POU2F1: variants seen among roughly 807,000 people sequenced by gnomAD.
POU2F1 encodes the protein POU domain, class 2, transcription factor 1.
POU2F1 carries 16 observed loss-of-function variants against 84.9 expected under a neutral mutation model. The ratio of observed to expected loss-of-function variants is 0.19; its 90% CI spans 0.13 to 0.29. The LOEUF is 0.29. Among genes scored for constraint, POU2F1 ranks in the 10% least tolerant of loss-of-function variants. POU2F1 has a pLI of 1.00. For synonymous variants in POU2F1, 368 were observed against 368.3 expected, an observed-to-expected ratio of 1.00 and a Z score of 0.01; for missense variants, 738 against 942.6, an observed-to-expected ratio of 0.78 and a Z score of 2.84.
chr1:167,349,046 C>T (rs1008752971), intron 2 of POU2F1, among the ~76,000 whole-genome samples: 3 of 152,108 alleles, frequency 2.0e-5, no homozygotes, highest in Non-Finnish European at 4.4e-5. Flanking sequence ...GGGAATATGA[C>T]TTTGTAACCC....
chr1:167,226,800 T>G (rs979656989), intron 1 of POU2F1, among the ~76,000 whole-genome samples: 2 of 152,208 alleles, frequency 1.3e-5, no homozygotes, highest in East Asian at 1.9e-4. Flanking sequence ...CTTTTGTTTT[T>G]GGGTTTTATT....
In POU2F1 at chr1:167,250,127, C is replaced by T. The variant is rs556710465; in HGVS notation, c.61+29169C>T. Among the ~76,000 whole-genome samples the T allele has an allele frequency of 4.6e-5, 7 of 151,552 alleles. No homozygotes were observed. In the East Asian group the frequency reaches 1.4e-3, roughly 29 times the overall value. On this transcript the variant is annotated intron_variant, in intron 1 of 15. Coordinates refer to ENST00000367866, the MANE Select transcript of POU2F1 (RefSeq NM_002697.4). ...TTTCTAACATAACACTTAACATTAG[C>T]AGTATTTTGACCTTTTCTGTCATTC...
Position 167,323,485 on chromosome 1 carries a change from C to T in POU2F1, c.62-8985C>T, listed in dbSNP as rs539218070. On this transcript the variant is annotated intron_variant, in intron 1 of 15. Transcript: ENST00000367866. ...TTCAAACCGCTTTCTGGTGGAGTAG[C>T]TTTCTCAGTGAGCCACCACTTAAAT... Among the ~76,000 whole-genome samples, 35 of 152,250 alleles carry T rather than the reference C, an allele frequency of 2.3e-4. 1 individual carries two copies. In the South Asian group the frequency reaches 7.3e-3, roughly 32 times the overall value.
rs922014633 is a variant in POU2F1, at chr1:167,389,835, G to C, written c.987+74G>C. On this transcript the variant is annotated intron_variant, in intron 9 of 15. Coordinates refer to ENST00000367866, the MANE Select transcript of POU2F1 (RefSeq NM_002697.4). Reference sequence around the variant, plus strand: ...ATACAGTTGGCTCTCTGTATTCATGGATTCCACATCTGTGGATTCAACTAG... The same window carrying C: ...ATACAGTTGGCTCTCTGTATTCATGCATTCCACATCTGTGGATTCAACTAG... The C allele has an allele frequency of 8.7e-6, 13 of 1,502,710 alleles. No individual in the cohort carries two copies. The East Asian group carries it at 2.9e-4, about 33-fold the overall frequency. The allele number at this position is 1,502,710 out of a possible 1,614,324, so 93.1% of individuals were successfully genotyped here.
At chr1:167,375,614 T>A (rs1660274802) in intron 6 of POU2F1, among the ~76,000 whole-genome samples, 1 of 152,252 alleles carries the variant, frequency 6.6e-6, no homozygotes, top group African/African-American at 2.4e-5. Context: ...TAAGTCATTA[T>A]AGGCCCTTTA....
intron 1 of POU2F1, chr1:167,329,218 C>A: frequency 6.5e-7 from 1 of 1,540,064 alleles, no homozygotes; most frequent in South Asian, 1.2e-5. Context: ...TTCCCCACCC[C>A]AAACTGCTAC....
intron 1 of POU2F1, among the ~76,000 whole-genome samples, chr1:167,238,211 G>T (rs529309922): frequency 1.3e-5 from 2 of 151,792 alleles, no homozygotes; most frequent in African/African-American, 4.8e-5. Flanking sequence ...GTTTCATTTT[G>T]TCTCTCAAGT....
intron 2 of POU2F1, among the ~76,000 whole-genome samples, chr1:167,336,447 C>T (rs1014029254): frequency 1.3e-5 from 2 of 152,118 alleles, no homozygotes; most frequent in African/African-American, 4.8e-5. Flanking sequence ...AGTGCAATAA[C>T]CTAAACCTTA....
intron 3 of POU2F1, among the ~76,000 whole-genome samples, chr1:167,366,315 A>G (rs370645818): frequency 1.3e-5 from 2 of 152,204 alleles, no homozygotes; most frequent in East Asian, 1.9e-4. Flanking sequence ...TTGGTGGTCT[A>G]TATGTGTTGA....
rs890684715 is a variant in POU2F1 at position 167,361,073 on chromosome 1, A to T, written c.128-4394A>T. Among the ~76,000 whole-genome samples, 32 of 152,122 alleles carry T rather than the reference A, an allele frequency of 2.1e-4. 1 individual carries two copies. Among genetic ancestry groups the T allele is most frequent in the African/African-American group, 7.5e-4 (31 of 41,416 alleles). On this transcript the variant is annotated intron_variant, in intron 2 of 15. Transcript: ENST00000367866. ...ACTGATTTTTGTACATTGATTTCGTATCCTGAGTCTGCTGAAGTGGTTTAT... is the reference window on the plus strand; with the variant it reads ...ACTGATTTTTGTACATTGATTTCGTTTCCTGAGTCTGCTGAAGTGGTTTAT...
chr1:167,361,075 C>T lies in POU2F1; in HGVS notation c.128-4392C>T, dbSNP rs374632599. On this transcript the variant is annotated intron_variant, in intron 2 of 15. Coordinates refer to ENST00000367866, the MANE Select transcript of POU2F1 (RefSeq NM_002697.4). ...TGATTTTTGTACATTGATTTCGTATCCTGAGTCTGCTGAAGTGGTTTATCA... is the reference window on the plus strand; with the variant it reads ...TGATTTTTGTACATTGATTTCGTATTCTGAGTCTGCTGAAGTGGTTTATCA... Among the ~76,000 whole-genome samples, 70 of 152,018 alleles carry T rather than the reference C, an allele frequency of 4.6e-4. No individual in the cohort carries two copies. In the South Asian group the frequency reaches 0.014, roughly 31 times the overall value.
At chr1:167,253,414 G>A (rs1399861986) in intron 1 of POU2F1, among the ~76,000 whole-genome samples, 2 of 144,256 alleles carry the variant, frequency 1.4e-5, no homozygotes, top group Non-Finnish European at 3.0e-5. Flanking sequence ...GTGGAACTTG[G>A]GATTATAATT....
intron 1 of POU2F1, among the ~76,000 whole-genome samples, chr1:167,229,630 A>G (rs1024585956): frequency 3.3e-5 from 5 of 152,172 alleles, no homozygotes; most frequent in Admixed American, 6.5e-5. Context: ...GGGAGTATCA[A>G]ATTGATAGCA....
At chr1:167,373,861 C>T (rs1439424832) in intron 5 of POU2F1, among the ~76,000 whole-genome samples, 1 of 150,956 alleles carries the variant, frequency 6.6e-6, no homozygotes, top group East Asian at 1.9e-4. Flanking sequence ...TACTTTTTTG[C>T]CCAAACCCTA....
intron 1 of POU2F1, among the ~76,000 whole-genome samples, chr1:167,331,073 C>T (rs990443247): frequency 1.3e-5 from 2 of 152,044 alleles, no homozygotes; most frequent in Non-Finnish European, 2.9e-5. Flanking sequence ...ATTTAAATTT[C>T]TCTGGACAGT....
Position 167,427,185 on chromosome 1 carries a change from A to G in POU2F1, c.*11375A>G, listed in dbSNP as rs2101976746. On this transcript the variant is annotated 3_prime_UTR_variant, in exon 16 of 16. Transcript: ENST00000367866. ...GCCTGCAGGGGCTGTAGGCTTGGGA[A>G]AGATTGTGTAGGTGACAGTGAATCA... is the stretch of plus-strand genomic sequence containing the variant. 1 of 152,290 alleles carries G rather than the reference A, an allele frequency of 6.6e-6. No homozygotes were observed. The highest frequency in any genetic ancestry group is 2.4e-5 in the African/African-American group (1 of 41,548). The allele number at this position is 152,290 out of a possible 1,614,324, so 9.4% of individuals were successfully genotyped here.
At chr1:167,265,533 A>G (rs1040078125) in intron 1 of POU2F1, among the ~76,000 whole-genome samples, 1 of 152,244 alleles carries the variant, frequency 6.6e-6, no homozygotes, top group African/African-American at 2.4e-5. Context: ...AGGTTAAAGA[A>G]GATTTGATAA....
chr1:167,392,130 A>T (rs1356349622), intron 9 of POU2F1, among the ~76,000 whole-genome samples: 1 of 152,132 alleles, frequency 6.6e-6, no homozygotes, highest in Non-Finnish European at 1.5e-5. Flanking sequence ...CAGGTGGATC[A>T]CCTGAGGTCA....
At chr1:167,339,175 C>A (rs1657671232) in intron 2 of POU2F1, among the ~76,000 whole-genome samples, 1 of 152,108 alleles carries the variant, frequency 6.6e-6, no homozygotes, top group Admixed American at 6.5e-5. Context: ...CCTTTCCTGT[C>A]CCCCTCCTCC....
Sources: gnomAD v4.1 joint callset for allele counts (sites outside exome capture counted in the v4.1 genomes callset) on GRCh38, gnomAD v4.1.1 for gene constraint, MANE v1.5 for transcripts, NCBI Gene and HGNC (gene_info 2026-07-23, HGNC 2026-07-21) for gene names.